SNX29: variants seen among roughly 807,000 people sequenced by gnomAD.
The protein encoded by SNX29 is sorting nexin-29.
A neutral mutation model predicts 102.1 loss-of-function variants in SNX29; 78 were observed. The observed-to-expected ratio is 0.76, with a 90% CI of 0.64 to 0.92. The LOEUF is 0.92. Among genes scored for constraint, SNX29 ranks in the 40% least tolerant of loss-of-function variants. SNX29 has a pLI of 0.00. For missense variants in SNX29, 1,280 were observed against 1,061.7 expected (o/e 1.21, Z -2.86); for synonymous variants, 580 against 414.5 (o/e 1.40, Z -4.85).
chr16:12,418,844 T>C (rs2151577849), intron 18 of SNX29, among the ~76,000 whole-genome samples: 1 of 152,312 alleles, frequency 6.6e-6, no homozygotes, highest in Admixed American at 6.5e-5. Context: ...ACATGCCTGG[T>C]GTCAGTTCCC....
At chr16:12,531,729 G>C (rs965278957) in intron 20 of SNX29, among the ~76,000 whole-genome samples, 2 of 152,202 alleles carry the variant, frequency 1.3e-5, no homozygotes, top group African/African-American at 4.8e-5. Context: ...CTTGGGAGCA[G>C]ATGAGATGAA....
At chr16:12,243,890 AGCATGTC>A (rs1476997305) in intron 14 of SNX29, among the ~76,000 whole-genome samples, 4 of 152,220 alleles carry the variant, frequency 2.6e-5, no homozygotes, top group African/African-American at 7.2e-5. Flanking sequence ...AAGTCCATTC[AGCATGTC>A]TGGAACCATT....
intron 19 of SNX29, among the ~76,000 whole-genome samples, chr16:12,514,580 C>G (rs937286536): frequency 6.6e-6 from 1 of 152,208 alleles, no homozygotes; most frequent in Non-Finnish European, 1.5e-5. Context: ...AAGCCCCTCT[C>G]TTGGCCAGAC....
intron 16 of SNX29, among the ~76,000 whole-genome samples, chr16:12,390,752 C>T (rs529282752): frequency 2.0e-5 from 3 of 151,956 alleles, no homozygotes; most frequent in African/African-American, 4.8e-5. Flanking sequence ...AACAACCCCA[C>T]CAGGGCAGCT....
intron 20 of SNX29, among the ~76,000 whole-genome samples, chr16:12,532,664 AT>A (rs1434889751): frequency 6.6e-6 from 1 of 152,174 alleles, no homozygotes; most frequent in Non-Finnish European, 1.5e-5. Flanking sequence ...TGGCTGACAT[AT>A]GGGGGATCAC....
At chr16:12,251,828 C>T (rs1169397765) in intron 14 of SNX29, among the ~76,000 whole-genome samples, 1 of 152,186 alleles carries the variant, frequency 6.6e-6, no homozygotes, top group African/African-American at 2.4e-5. Context: ...GGCACGATCA[C>T]GGCTCACTGC....
intron 18 of SNX29, among the ~76,000 whole-genome samples, chr16:12,431,708 C>T (rs1315522137): frequency 6.6e-6 from 1 of 152,146 alleles, no homozygotes; most frequent in Non-Finnish European, 1.5e-5. Flanking sequence ...ACTTCTGCTT[C>T]AGAGTGTCAA....
intron 15 of SNX29, among the ~76,000 whole-genome samples, chr16:12,308,130 C>T (rs1471163987): frequency 6.6e-6 from 1 of 152,252 alleles, no homozygotes; most frequent in African/African-American, 2.4e-5. Flanking sequence ...GAAGGTGATG[C>T]ATGGTCTCTG....
chr16:12,545,680 T>G (rs1450645862), intron 20 of SNX29: 1 of 152,174 alleles, frequency 6.6e-6, no homozygotes, highest in African/African-American at 2.4e-5. Context: ...AGGCTCCAGG[T>G]TAAGGGGAGT....
Position 12,398,481 on chromosome 16 carries a change from G to C in SNX29, c.1935G>C (p.Gln645His). The change falls in exon 17 of 21, where the codon CAG (glutamine) becomes CAC (histidine). Residue 645 changes from glutamine (Q) to histidine (H), a missense_variant. Gln to His is a conservative substitution (Grantham distance 24). Coordinates refer to ENST00000566228, the MANE Select transcript of SNX29 (RefSeq NM_032167.5). ...PGDLSQTSED[Q>H]SLSDFEISNR... ...ATTTGAGTCAAACGTCCGAAGACCA[G>C]AGTTTGTCGGATTTTGAAATGTAAG... 1 of 1,613,992 alleles carries C rather than the reference G, an allele frequency of 6.2e-7. No individual in the cohort carries two copies. The highest frequency in any genetic ancestry group is 8.5e-7 in the Non-Finnish European group (1 of 1,179,880).
chr16:12,558,533 C>A (rs1212727340), intron 20 of SNX29, among the ~76,000 whole-genome samples: 1 of 152,224 alleles, frequency 6.6e-6, no homozygotes, highest in Admixed American at 6.5e-5. Flanking sequence ...GGGATGCACA[C>A]ACCCCACAGT....
chr16:12,472,660 C>T (rs996808537), intron 18 of SNX29, among the ~76,000 whole-genome samples: 3 of 151,766 alleles, frequency 2.0e-5, no homozygotes, highest in African/African-American at 7.3e-5. Context: ...CTCTGGTAGA[C>T]GCTCTTCATC....
intron 18 of SNX29, among the ~76,000 whole-genome samples, chr16:12,464,227 G>GGTGTGTGTGTGTGT (rs1343276856): frequency 1.6e-3 from 171 of 106,492 alleles, no homozygotes; most frequent in African/African-American, 7.6e-3. Flanking sequence ...ATTATTCCAT[G>GGTGTGTGTGTGTGT]GCGTGTGTGT....
chr16:12,300,737 A>G (rs565542413), intron 15 of SNX29, among the ~76,000 whole-genome samples: 8 of 152,290 alleles, frequency 5.3e-5, no homozygotes, highest in African/African-American at 1.9e-4. Context: ...TGTCTAAAGT[A>G]GGGTTTCTCA....
intron 20 of SNX29, among the ~76,000 whole-genome samples, chr16:12,536,649 G>A (rs2077091402): frequency 6.6e-6 from 1 of 152,148 alleles, no homozygotes; most frequent in Non-Finnish European, 1.5e-5. Context: ...GCTAATTTCT[G>A]GGTTCCTTAG....
rs373625884 is a variant in SNX29 at position 12,323,742 on chromosome 16, G to C, written c.1783-32421G>C. 3.5e-3 allele frequency among the ~76,000 whole-genome samples: 534 copies of C among 152,238 alleles called. 38 individuals carry two copies. In the South Asian group the frequency reaches 0.1, roughly 30 times the overall value. On this transcript the variant is annotated intron_variant, in intron 15 of 20. Coordinates refer to ENST00000566228, the MANE Select transcript of SNX29 (RefSeq NM_032167.5). ...GTGGGCACTGAAGCCAGGTGGCCTG[G>C]AGTTTGAGTGCCATTTTTATCCCTT... is the stretch of plus-strand genomic sequence containing the variant.
intron 9 of SNX29, 30 bp downstream of exon 9, chr16:12,061,676 C>A (rs773857033): frequency 1.4e-5 from 22 of 1,571,286 alleles, no homozygotes; most frequent in Non-Finnish European, 1.5e-5. Context: ...TCCTTTCCTC[C>A]AATAAGAGCT....
chr16:12,237,000 C>A (rs914486702), intron 14 of SNX29, among the ~76,000 whole-genome samples: 1 of 152,194 alleles, frequency 6.6e-6, no homozygotes, highest in Non-Finnish European at 1.5e-5. Flanking sequence ...AAGGTTGGTG[C>A]AGGCTTGGAC....
chr16:12,471,163 G>C (rs1597498649), intron 18 of SNX29, among the ~76,000 whole-genome samples: 1 of 152,028 alleles, frequency 6.6e-6, no homozygotes, highest in Non-Finnish European at 1.5e-5. Flanking sequence ...GAGGGCTTCA[G>C]CCACTTAAAG....
Sources: gnomAD v4.1 joint callset for allele counts (sites outside exome capture counted in the v4.1 genomes callset) on GRCh38, gnomAD v4.1.1 for gene constraint, MANE v1.5 for transcripts, NCBI Gene and HGNC (gene_info 2026-07-23, HGNC 2026-07-21) for gene names.